The following PPM1L variants were observed in gnomAD, a reference collection of about 807,000 sequenced individuals.
PPM1L encodes protein phosphatase, Mg2+/Mn2+ dependent 1L.
In PPM1L, 13 loss-of-function variants were observed where a neutral mutation model predicts 31.4. The observed-to-expected ratio is 0.41, with a 90% CI of 0.27 to 0.66. The LOEUF (loss-of-function observed/expected upper bound fraction) is 0.66, where lower values mean the gene tolerates loss of function less well. PPM1L is among the 30% of genes least tolerant of loss of function. The pLI is 0.29. For missense variants in PPM1L, 326 were observed against 453.7 expected, an observed-to-expected ratio of 0.72 and a Z score of 2.56; for synonymous variants, 184 against 175.4, an observed-to-expected ratio of 1.05 and a Z score of -0.39.
rs999465818 is a variant in PPM1L, at chr3:161,016,702, T to C, written c.575-48701T>C. 5.9e-5 allele frequency among the ~76,000 whole-genome samples: 9 copies of C among 152,244 alleles called. No homozygotes were observed. In the East Asian group the frequency reaches 1.5e-3, roughly 26 times the overall value. On this transcript the variant is annotated intron_variant, in intron 2 of 3. Coordinates refer to ENST00000498165, the MANE Select transcript of PPM1L (RefSeq NM_139245.4). ...ATAGGAGAGGTGAATAAACAAAAGA[T>C]TGAGAGTGGAGGCTACCCTGGTAGG...
intron 1 of PPM1L, among the ~76,000 whole-genome samples, chr3:160,892,753 C>T (rs1713201143): frequency 6.6e-6 from 1 of 151,928 alleles, no homozygotes; most frequent in African/African-American, 2.4e-5. Flanking sequence ...CTACACATTT[C>T]TTTTTATTTC....
At chr3:160,824,381 A>T (rs1713295737) in intron 1 of PPM1L, among the ~76,000 whole-genome samples, 1 of 152,172 alleles carries the variant, frequency 6.6e-6, no homozygotes, top group Non-Finnish European at 1.5e-5. Context: ...ACTTTGTTAT[A>T]GCAGCCTGAA....
intron 2 of PPM1L, among the ~76,000 whole-genome samples, chr3:161,039,671 C>T (rs1474999112): frequency 3.9e-5 from 6 of 151,988 alleles, no homozygotes; most frequent in Non-Finnish European, 5.9e-5. Flanking sequence ...TACAGGTGCC[C>T]GCCACCACAC....
intron 2 of PPM1L, among the ~76,000 whole-genome samples, chr3:161,000,434 G>A (rs1293125454): frequency 1.3e-5 from 2 of 152,126 alleles, no homozygotes; most frequent in African/African-American, 4.8e-5. Flanking sequence ...TCAAGAGCAT[G>A]CATATATAAG....
intron 1 of PPM1L, among the ~76,000 whole-genome samples, chr3:160,757,956 G>A (rs988427039): frequency 6.6e-6 from 1 of 152,102 alleles, no homozygotes; most frequent in Admixed American, 6.6e-5. Flanking sequence ...TATCTTATCC[G>A]CATTCCTTAC....
intron 1 of PPM1L, among the ~76,000 whole-genome samples, chr3:160,826,258 C>T (rs935396601): frequency 6.6e-6 from 1 of 152,084 alleles, no homozygotes; most frequent in African/African-American, 2.4e-5. Context: ...GTATTCAAAC[C>T]TTAATTGTTA....
intron 1 of PPM1L, among the ~76,000 whole-genome samples, chr3:160,858,131 A>T (rs1711777120): frequency 2.0e-5 from 3 of 152,234 alleles, no homozygotes; most frequent in Admixed American, 1.3e-4. Context: ...TGTAATGTGG[A>T]CTATTGATAG....
At chr3:160,873,429 A>C (rs547338220) in intron 1 of PPM1L, among the ~76,000 whole-genome samples, 1 of 152,326 alleles carries the variant, frequency 6.6e-6, no homozygotes, top group East Asian at 1.9e-4. Flanking sequence ...AGACTATGGA[A>C]TATTACCTGT....
intron 1 of PPM1L, among the ~76,000 whole-genome samples, chr3:160,876,034 T>G (rs1157006349): frequency 6.6e-6 from 1 of 152,244 alleles, no homozygotes; most frequent in Admixed American, 6.5e-5. Context: ...CCACCAAATC[T>G]ATTAGGAAGA....
intron 2 of PPM1L, among the ~76,000 whole-genome samples, chr3:161,003,839 C>T (rs1717595167): frequency 1.3e-5 from 2 of 151,366 alleles, no homozygotes; most frequent in African/African-American, 4.9e-5. Context: ...ATTTCCTTCT[C>T]CTGCCTAATT....
intron 1 of PPM1L, among the ~76,000 whole-genome samples, chr3:160,870,048 G>GACAAGGTT (rs796321308): frequency 2.0e-5 from 3 of 152,212 alleles, no homozygotes; most frequent in African/African-American, 7.2e-5. Flanking sequence ...TTGCCCTGAG[G>GACAAGGTT]ACAAGGTTAG....
chr3:160,922,130 G>C (rs1714430963), intron 1 of PPM1L, among the ~76,000 whole-genome samples: 1 of 152,028 alleles, frequency 6.6e-6, no homozygotes, highest in Admixed American at 6.5e-5. Flanking sequence ...CTAACACGGT[G>C]AAACCCCATC....
At chr3:160,912,712 T>C (rs1293051113) in intron 1 of PPM1L, among the ~76,000 whole-genome samples, 6 of 152,220 alleles carry the variant, frequency 3.9e-5, no homozygotes, top group Admixed American at 2.6e-4. Flanking sequence ...TTATAGCAGA[T>C]TCATTGATAG....
chr3:160,840,719 G>GGA (rs137953325), intron 1 of PPM1L, among the ~76,000 whole-genome samples: 2,557 of 144,056 alleles, frequency 0.018, 70 homozygotes, highest in African/African-American at 0.062. Flanking sequence ...TATCTCCAGG[G>GGA]GAGAGAGAGA....
intron 1 of PPM1L, among the ~76,000 whole-genome samples, chr3:160,932,302 A>G (rs1163249039): frequency 6.6e-6 from 1 of 152,228 alleles, no homozygotes; most frequent in African/African-American, 2.4e-5. Context: ...TCAAGCTATC[A>G]GAAGTTTTAT....
chr3:160,801,569 C>T (rs569950264), intron 1 of PPM1L, among the ~76,000 whole-genome samples: 12 of 152,304 alleles, frequency 7.9e-5, no homozygotes, highest in African/African-American at 2.6e-4. Context: ...TGCCAGGGAG[C>T]TCTTGTGCTG....
At chr3:161,055,604 A>G (rs548239495) in intron 2 of PPM1L, among the ~76,000 whole-genome samples, 53 of 152,022 alleles carry the variant, frequency 3.5e-4, no homozygotes, top group African/African-American at 1.1e-3. Flanking sequence ...ATTTCTCCTC[A>G]TCCTAAAAAT....
chr3:161,019,094 G>T (rs1161673160), intron 2 of PPM1L, among the ~76,000 whole-genome samples: 1 of 152,134 alleles, frequency 6.6e-6, no homozygotes, highest in African/African-American at 2.4e-5. Context: ...AAGATTATTT[G>T]ATTAATTTGG....
At chr3:160,983,790 A>C (rs2108037165) in intron 2 of PPM1L, among the ~76,000 whole-genome samples, 1 of 152,260 alleles carries the variant, frequency 6.6e-6, no homozygotes, top group East Asian at 1.9e-4. Flanking sequence ...GAGTACAAAG[A>C]GAGAAATTTT....
Sources: gnomAD v4.1 joint callset for allele counts (sites outside exome capture counted in the v4.1 genomes callset) on GRCh38, gnomAD v4.1.1 for gene constraint, MANE v1.5 for transcripts, NCBI Gene and HGNC (gene_info 2026-07-23, HGNC 2026-07-21) for gene names.